Variants in WIPF1 observed in about 807,000 individuals in gnomAD.
The protein encoded by WIPF1 is WAS/WASL-interacting protein family member 1.
WIPF1 carries 13 observed loss-of-function variants against 35.4 expected under a neutral mutation model. That is an observed-to-expected ratio of 0.37 (90% CI 0.24 to 0.58). WIPF1 has a LOEUF of 0.58. Among genes scored for constraint, WIPF1 ranks in the 20% least tolerant of loss-of-function variants. The pLI, the probability that WIPF1 is intolerant of heterozygous loss-of-function variation, is 0.74. For synonymous variants in WIPF1, 267 were observed against 266.3 expected (o/e 1.00, Z -0.02); for missense variants, 591 against 667.0 (o/e 0.89, Z 1.25).
Position 174,603,703 on chromosome 2 carries a change from T to C in WIPF1, c.-38-18092A>G, listed in dbSNP as rs193200192. ...TACGGCTTTGTTAAGAGAGGCCTTT[T>C]TTTGGCTGTGATCTGCAACCAAGAT... On this transcript the variant is annotated intron_variant, in intron 1 of 8. Transcript: ENST00000272746. 7.2e-5 allele frequency among the ~76,000 whole-genome samples: 11 copies of C among 152,332 alleles called. No individual in the cohort carries two copies. The East Asian group carries it at 2.1e-3, about 29-fold the overall frequency.
upstream of WIPF1, among the ~76,000 whole-genome samples, chr2:174,599,127 T>C (rs1685911634): frequency 6.6e-6 from 1 of 152,144 alleles, no homozygotes; most frequent in Non-Finnish European, 1.5e-5. Flanking sequence ...TTGCCTTACC[T>C]GTAAAGTGAT....
chr2:174,672,460 T>G (rs890914998), intron 1 of WIPF1, among the ~76,000 whole-genome samples: 16 of 152,228 alleles, frequency 1.1e-4, no homozygotes, highest in Admixed American at 2.6e-4. Flanking sequence ...GAGATTCAAG[T>G]ATAAACGAAG....
At chr2:174,617,675 G>A (rs796424239) in intron 1 of WIPF1, among the ~76,000 whole-genome samples, 19 of 152,302 alleles carry the variant, frequency 1.2e-4, no homozygotes, top group African/African-American at 4.1e-4. Flanking sequence ...AAGGAAGTGC[G>A]GTTGGTTGGA....
intron 1 of WIPF1, among the ~76,000 whole-genome samples, chr2:174,652,284 T>C (rs763344648): frequency 5.3e-5 from 8 of 152,176 alleles, no homozygotes; most frequent in Non-Finnish European, 8.8e-5. Flanking sequence ...ATCTTCAGCC[T>C]CTTGTCTGGT....
rs141303344 is a variant in WIPF1 at position 174,653,434 on chromosome 2, T to C, written c.-39+29340A>G. Reference sequence around the variant, plus strand: ...GAATCCTGTCCTGGAAGTCTAAGACTGCGTAAGAAACAGAGTTCAGGCCGG... The same window carrying C: ...GAATCCTGTCCTGGAAGTCTAAGACCGCGTAAGAAACAGAGTTCAGGCCGG... On this transcript the variant is annotated intron_variant, in intron 1 of 8. Transcript: ENST00000272746. 5.0e-3 allele frequency among the ~76,000 whole-genome samples: 760 copies of C among 152,170 alleles called. 6 individuals carry two copies. The highest frequency in any genetic ancestry group is 0.018 in the African/African-American group (729 of 41,514).
intron 1 of WIPF1, chr2:174,677,163 A>AG (rs397776291): frequency 2.0e-5 from 3 of 152,098 alleles, no homozygotes; most frequent in Non-Finnish European, 2.9e-5. Flanking sequence ...AAAAAAAAAA[A>AG]GTCATCTTAT....
At position 174,562,231 on chromosome 2, in the gene WIPF1, A is replaced by C; in HGVS notation, c.*316T>G. On this transcript the variant is annotated 3_prime_UTR_variant, in exon 8 of 8. Transcript: ENST00000679041. ...TACAGTCTGTAACAAATAAGCAGTGAATGTTTGAATTTGGTTGGTGGAAAG... is the reference window on the plus strand; with the variant it reads ...TACAGTCTGTAACAAATAAGCAGTGCATGTTTGAATTTGGTTGGTGGAAAG... The C allele has an allele frequency of 6.5e-7, 1 of 1,545,060 alleles. No individual in the cohort carries two copies. The highest frequency in any genetic ancestry group is 8.8e-7 in the Non-Finnish European group (1 of 1,142,758).
intron 1 of WIPF1, among the ~76,000 whole-genome samples, chr2:174,681,853 A>G (rs1688252393): frequency 6.6e-6 from 1 of 152,186 alleles, no homozygotes; most frequent in Non-Finnish European, 1.5e-5. Flanking sequence ...TCGGGATTTA[A>G]GCAGGACCAG....
chr2:174,628,412 T>C (rs1686914380), intron 1 of WIPF1, among the ~76,000 whole-genome samples: 1 of 152,194 alleles, frequency 6.6e-6, no homozygotes, highest in African/African-American at 2.4e-5. Context: ...TCAGGACCTA[T>C]TTTCCAGGCC....
chr2:174,572,292 G>A lies in WIPF1; in HGVS notation c.513C>T (p.Pro171=), dbSNP rs1167772399. 2 of 1,614,056 alleles carry A rather than the reference G, an allele frequency of 1.2e-6. No individual in the cohort carries two copies. The highest frequency in any genetic ancestry group is 1.1e-5 in the South Asian group (1 of 91,068). Residue 171 remains proline, a synonymous_variant, in exon 5 of 8, where the codon CCC becomes CCT. Coordinates refer to ENST00000679041, the MANE Select transcript of WIPF1 (RefSeq NM_001375834.1). ...GCTTTGAGCCCACGTCGGGCCTTGG[G>A]GGCGGCATTCGGTTCCTCTGAGGCT... The part of the protein sequence containing the change: ...PPEPQRNRMP[P]PRPDVGSKPD...
intron 1 of WIPF1, 61 bp from the exon 2 acceptor site, chr2:174,585,672 GTCT>G: frequency 1.6e-6 from 2 of 1,237,306 alleles, no homozygotes; most frequent in Non-Finnish European, 2.3e-6. Flanking sequence ...GTCCTAATCT[GTCT>G]TCACTTTCCC....
At chr2:174,635,611 A>T (rs1189396706) in intron 1 of WIPF1, among the ~76,000 whole-genome samples, 1 of 149,366 alleles carries the variant, frequency 6.7e-6, no homozygotes, top group Non-Finnish European at 1.5e-5. Context: ...GGATATAGGA[A>T]GTGGTGGTGT....
chr2:174,633,101 G>T (rs955564221), intron 1 of WIPF1, among the ~76,000 whole-genome samples: 1 of 152,118 alleles, frequency 6.6e-6, no homozygotes, highest in Non-Finnish European at 1.5e-5. Flanking sequence ...GAGCTAGCAC[G>T]GGGTTTCTGA....
chr2:174,595,102 AAAAAAAAATAT>A (rs1685755405), intron 1 of WIPF1, among the ~76,000 whole-genome samples: 1 of 44,134 alleles, frequency 2.3e-5, no homozygotes, highest in African/African-American at 7.5e-5. Context: ...AAAAAAAAAA[AAAAAAAAATAT>A]ATATATATAT....
chr2:174,620,866 T>C (rs1686652905), intron 1 of WIPF1, among the ~76,000 whole-genome samples: 1 of 151,986 alleles, frequency 6.6e-6, no homozygotes, highest in Non-Finnish European at 1.5e-5. Context: ...TGGATTAAGA[T>C]AAAATAAGAA....
Position 174,622,856 on chromosome 2 carries a change from C to T in WIPF1, c.-38-37245G>A, listed in dbSNP as rs943277270. On this transcript the variant is annotated intron_variant, in intron 1 of 8. Coordinates refer to the WIPF1 transcript ENST00000272746. This position sits in a 1 kb window ranked among gnomAD's most constrained non-coding sequence, Gnocchi z 5.1. ...GCCAAGTCTGGGATTTGAGCTTTTA[C>T]CTATAAACATCACAAGGCAGAGGCA... Among the ~76,000 whole-genome samples the T allele has an allele frequency of 5.3e-5, 8 of 152,158 alleles. No homozygotes were observed. Among genetic ancestry groups the T allele is most frequent in the Non-Finnish European group, 5.9e-5 (4 of 68,038 alleles).
intron 1 of WIPF1, among the ~76,000 whole-genome samples, chr2:174,650,005 G>A (rs528434800): frequency 6.6e-5 from 10 of 152,148 alleles, no homozygotes; most frequent in Non-Finnish European, 1.3e-4. Flanking sequence ...TTCTTTCTGA[G>A]TAGCCCCTCC....
At chr2:174,619,647 A>G (rs1686616357) in intron 1 of WIPF1, among the ~76,000 whole-genome samples, 1 of 152,068 alleles carries the variant, frequency 6.6e-6, no homozygotes, top group Admixed American at 6.5e-5. Flanking sequence ...CTTTGGCTAC[A>G]TAAAAGCTCC....
At chr2:174,579,330 T>C (rs1685163705) in intron 3 of WIPF1, among the ~76,000 whole-genome samples, 1 of 152,198 alleles carries the variant, frequency 6.6e-6, no homozygotes, top group African/African-American at 2.4e-5. Flanking sequence ...ACCTGCAACA[T>C]CTGTCCATCT....
Sources: gnomAD v4.1 joint callset for allele counts (sites outside exome capture counted in the v4.1 genomes callset) on GRCh38, gnomAD v4.1.1 for gene constraint, Gnocchi (gnomAD v3.1) non-coding constraint, MANE v1.5 for transcripts, NCBI Gene and HGNC (gene_info 2026-07-23, HGNC 2026-07-21) for gene names.